CSGALNACT1: variants seen among roughly 807,000 people sequenced by gnomAD.
The protein encoded by CSGALNACT1 is chondroitin sulfate N-acetylgalactosaminyltransferase 1.
A neutral mutation model predicts 51.0 loss-of-function variants in CSGALNACT1; 52 were observed. The observed-to-expected ratio is 1.02, with a 90% confidence interval of 0.82 to 1.29. CSGALNACT1 has a LOEUF of 1.29. Ranked by LOEUF, CSGALNACT1 falls within the 50% of genes most tolerant of loss-of-function variation. CSGALNACT1 has a pLI of 0.00. For synonymous variants in CSGALNACT1, 341 were observed against 254.4 expected, an observed-to-expected ratio of 1.34 and a Z score of -3.24; for missense variants, 935 against 679.2, an observed-to-expected ratio of 1.38 and a Z score of -4.19.
intron 5 of CSGALNACT1, 70 bp downstream of exon 4, chr8:19,458,356 G>C: frequency 8.1e-7 from 1 of 1,233,416 alleles, no homozygotes; most frequent in South Asian, 1.2e-5. Context: ...TGAAGGAGAT[G>C]ACGGGAAATG....
chr8:19,468,637 GA>G (rs770689527), intron 4 of CSGALNACT1, among the ~76,000 whole-genome samples: 2 of 152,104 alleles, frequency 1.3e-5, no homozygotes, highest in Admixed American at 1.3e-4. Flanking sequence ...AATGGAGGTG[GA>G]AAAAAGCTTG....
chr8:19,566,722 G>A (rs1472983594), intron 3 of CSGALNACT1, among the ~76,000 whole-genome samples: 1 of 152,116 alleles, frequency 6.6e-6, no homozygotes, highest in Non-Finnish European at 1.5e-5. Context: ...CTCTGTAAGG[G>A]AGTTCCCCAT....
intron 1 of CSGALNACT1, among the ~76,000 whole-genome samples, chr8:19,707,696 C>A (rs1025076331): frequency 6.4e-5 from 8 of 124,134 alleles, no homozygotes; most frequent in South Asian, 2.7e-4. Context: ...CACAAAAAAA[C>A]CCCTAAACTA....
At chr8:19,742,647 A>C (rs2064386159) in intron 1 of CSGALNACT1, among the ~76,000 whole-genome samples, 1 of 152,234 alleles carries the variant, frequency 6.6e-6, no homozygotes, top group Non-Finnish European at 1.5e-5. Context: ...AGCTTCTAAC[A>C]ATATGCCAAT....
chr8:19,456,166 T>C (rs1308552729), intron 5 of CSGALNACT1, among the ~76,000 whole-genome samples: 2 of 152,248 alleles, frequency 1.3e-5, no homozygotes, highest in East Asian at 3.8e-4. Context: ...TTTCCTGTTT[T>C]ATTGCTATTG....
Position 19,757,819 on chromosome 8 carries a change from A to G in CSGALNACT1, c.-297+31T>C, listed in dbSNP as rs989406964. ...GCGGTCTCTGCTGCCCTGGTCAGCT[A>G]TAACGCCTCCCCTAGAGAGCTTTTA... On this transcript the variant is annotated intron_variant, in intron 1 of 1. Coordinates refer to the CSGALNACT1 transcript ENST00000517494. The surrounding 1 kb of genome is among the most constrained non-coding windows in gnomAD (Gnocchi z 4.0). The G allele has an allele frequency of 1.3e-5, 2 of 152,272 alleles. No individual in the cohort carries two copies. The highest frequency in any genetic ancestry group is 2.1e-4 in the South Asian group (1 of 4,834). The allele number at this position is 152,272 out of a possible 1,614,324, so 9.4% of individuals were successfully genotyped here.
intron 4 of CSGALNACT1, among the ~76,000 whole-genome samples, chr8:19,468,613 A>G (rs2067291433): frequency 6.6e-6 from 1 of 152,290 alleles, no homozygotes; most frequent in East Asian, 1.9e-4. Context: ...AAGAGCCTGA[A>G]CTAAGATGGT....
chr8:19,554,100 C>T (rs529677159), intron 3 of CSGALNACT1, among the ~76,000 whole-genome samples: 240 of 151,648 alleles, frequency 1.6e-3, no homozygotes, highest in African/African-American at 5.6e-3. Context: ...TAATAGAGAA[C>T]GAATGAAAAA....
chr8:19,500,152 C>T (rs2076167356), intron 4 of CSGALNACT1, among the ~76,000 whole-genome samples: 1 of 152,176 alleles, frequency 6.6e-6, no homozygotes, highest in Non-Finnish European at 1.5e-5. Flanking sequence ...CTACTCCACA[C>T]TGAAGAATAA....
intron 3 of CSGALNACT1, among the ~76,000 whole-genome samples, chr8:19,538,505 G>A (rs1588026535): frequency 6.6e-6 from 1 of 152,168 alleles, no homozygotes; most frequent in African/African-American, 2.4e-5. Flanking sequence ...CAAAAGTAGA[G>A]AGCAATGTAT....
intron 4 of CSGALNACT1, among the ~76,000 whole-genome samples, chr8:19,501,446 A>AC (rs2076402513): frequency 1.3e-5 from 2 of 152,058 alleles, no homozygotes; most frequent in African/African-American, 4.8e-5. Flanking sequence ...AAACCACAGC[A>AC]CCCTCAAAGC....
At chr8:19,530,204 G>A (rs1351423731) in intron 3 of CSGALNACT1, among the ~76,000 whole-genome samples, 1 of 151,256 alleles carries the variant, frequency 6.6e-6, no homozygotes, top group African/African-American at 2.4e-5. Context: ...CTGGGCAACA[G>A]AGCGAGACTC....
At chr8:19,684,816 T>C (rs532412249), upstream of CSGALNACT1, among the ~76,000 whole-genome samples, 1 of 152,316 alleles carries the variant, frequency 6.6e-6, no homozygotes, top group Non-Finnish European at 1.5e-5. Context: ...ATCTCCAAAG[T>C]GTCAGTCATT....
At chr8:19,539,532 T>G (rs2084588199) in intron 3 of CSGALNACT1, among the ~76,000 whole-genome samples, 1 of 152,170 alleles carries the variant, frequency 6.6e-6, no homozygotes, top group Non-Finnish European at 1.5e-5. Flanking sequence ...AAGGCTTCTC[T>G]GAAAGTCATG....
chr8:19,720,627 G>A (rs1181323004), intron 1 of CSGALNACT1, among the ~76,000 whole-genome samples: 1 of 152,124 alleles, frequency 6.6e-6, no homozygotes, highest in Non-Finnish European at 1.5e-5. Flanking sequence ...GTGTGGCTGT[G>A]CCAGGCGTGG....
intron 5 of CSGALNACT1, among the ~76,000 whole-genome samples, chr8:19,446,400 G>A (rs1300127450): frequency 6.6e-6 from 1 of 152,072 alleles, no homozygotes; most frequent in African/African-American, 2.4e-5. Context: ...AACTTCCTAA[G>A]ATCCCTCCAG....
chr8:19,428,788 G>A (rs868514332), intron 6 of CSGALNACT1, among the ~76,000 whole-genome samples: 2 of 151,254 alleles, frequency 1.3e-5, no homozygotes, highest in African/African-American at 2.4e-5. Context: ...TTAAGACATT[G>A]ATTAGGACAA....
intron 1 of CSGALNACT1, among the ~76,000 whole-genome samples, chr8:19,655,577 C>T (rs1331948307): frequency 1.4e-5 from 2 of 147,636 alleles, no homozygotes; most frequent in African/African-American, 5.0e-5. Context: ...CACACACACA[C>T]ACATATATAT....
intron 3 of CSGALNACT1, among the ~76,000 whole-genome samples, chr8:19,516,277 A>C (rs1231118028): frequency 1.3e-5 from 2 of 152,194 alleles, no homozygotes; most frequent in South Asian, 2.1e-4. Context: ...AAAGCAATGA[A>C]GTAACTTGAC....
Sources: gnomAD v4.1 joint callset for allele counts (sites outside exome capture counted in the v4.1 genomes callset) on GRCh38, gnomAD v4.1.1 for gene constraint, Gnocchi (gnomAD v3.1) non-coding constraint, MANE v1.5 for transcripts, NCBI Gene and HGNC (gene_info 2026-07-23, HGNC 2026-07-21) for gene names.